Variants in SNAP29 observed in about 807,000 individuals in gnomAD.
SNAP29 encodes synaptosomal-associated protein 29.
A neutral mutation model predicts 27.9 loss-of-function variants in SNAP29; 13 were observed. That is an observed-to-expected ratio of 0.47 (90% CI 0.30 to 0.74). SNAP29 has a LOEUF of 0.74. Ranked by LOEUF, SNAP29 falls within the 30% of genes least tolerant of loss-of-function variation. The pLI is 0.06. For synonymous variants in SNAP29, 119 were observed against 127.1 expected, an observed-to-expected ratio of 0.94 and a Z score of 0.43; for missense variants, 368 against 336.5, an observed-to-expected ratio of 1.09 and a Z score of -0.73.
At position 20,870,519 on chromosome 22, in the gene SNAP29, C is replaced by T. The variant is rs1928566460; in HGVS notation, c.420C>T (p.Ser140=). Residue 140 remains serine, a synonymous_variant, in exon 2 of 5, where the codon TCC becomes TCT. Coordinates refer to ENST00000215730, the MANE Select transcript of SNAP29 (RefSeq NM_004782.4). ...TPPEQNGTLT[S]QPNNRLKEAI... is the part of the protein sequence containing the mutation. ...CTGAACAGAATGGCACCCTCACCTC[C>T]CAGCCCAACAACAGGTGAGTGCATC... 6.2e-7 allele frequency: 1 copy of T among 1,614,034 alleles called. No homozygotes were observed. The highest frequency in any genetic ancestry group is 8.5e-7 in the Non-Finnish European group (1 of 1,179,948).
chr22:20,868,242 T>C (rs574400054), intron 1 of SNAP29, among the ~76,000 whole-genome samples: 1 of 152,334 alleles, frequency 6.6e-6, no homozygotes, highest in South Asian at 2.1e-4. Flanking sequence ...TTGCTTGACA[T>C]ACTGAGTGAC....
rs913695397 is a variant in SNAP29, at chr22:20,888,103, C to A, written c.*267C>A. On this transcript the variant is annotated 3_prime_UTR_variant, in exon 5 of 5. Transcript: ENST00000215730. ...GTAGCCTGGCCCTGCATATCTTGGG[C>A]GTTTGATTACCATGCTGGAATAAGA... The A allele has an allele frequency of 3.5e-5, 16 of 453,396 alleles. No individual in the cohort carries two copies. Among genetic ancestry groups the A allele is most frequent in the Non-Finnish European group, 5.7e-5 (14 of 246,012 alleles). 28.1% of individuals were successfully genotyped at this position (453,396 alleles called of 1,614,324 possible).
rs1294707695 is a variant in SNAP29, at chr22:20,874,374, C to T, written c.434+3841C>T. Among the ~76,000 whole-genome samples, 213 of 148,812 alleles carry T rather than the reference C, an allele frequency of 1.4e-3. 1 individual carries two copies. Among genetic ancestry groups the T allele is most frequent in the Non-Finnish European group, 2.6e-3 (177 of 66,986 alleles). On this transcript the variant is annotated intron_variant, in intron 2 of 4. Coordinates refer to ENST00000215730, the MANE Select transcript of SNAP29 (RefSeq NM_004782.4). ...CCACACACACACACACACACACACA[C>T]ACACACACACACACACACACACGAA...
At chr22:20,876,097 G>C (rs1056972139) in intron 2 of SNAP29, among the ~76,000 whole-genome samples, 1 of 151,446 alleles carries the variant, frequency 6.6e-6, no homozygotes, top group South Asian at 2.1e-4. Flanking sequence ...GGAGGTGGAG[G>C]TTGCAGTGAG....
chr22:20,867,017 A>G (rs5752165), intron 1 of SNAP29, among the ~76,000 whole-genome samples: 10,571 of 152,206 alleles, frequency 0.069, 356 homozygotes, highest in East Asian at 0.08. Context: ...TTGGATTCCG[A>G]GCATTGCAAT....
intron 1 of SNAP29, among the ~76,000 whole-genome samples, chr22:20,860,368 TTTC>T: frequency 1.2e-5 from 1 of 82,218 alleles, no homozygotes; most frequent in African/African-American, 7.0e-5. Context: ...TCTTTTTCTT[TTTC>T]TTTTTTTTTT....
intron 1 of SNAP29, among the ~76,000 whole-genome samples, chr22:20,866,962 C>T (rs539974378): frequency 1.8e-3 from 277 of 152,248 alleles, no homozygotes; most frequent in African/African-American, 6.6e-3. Flanking sequence ...TCTGCCTCCC[C>T]CACAGGACTG....
chr22:20,862,365 A>G (rs1040459519), intron 1 of SNAP29, among the ~76,000 whole-genome samples: 1 of 152,226 alleles, frequency 6.6e-6, no homozygotes, highest in South Asian at 2.1e-4. Flanking sequence ...TGAGGTTTAC[A>G]CAAGAGGAGT....
At chr22:20,863,070 G>A (rs1383553561) in intron 1 of SNAP29, among the ~76,000 whole-genome samples, 2 of 152,152 alleles carry the variant, frequency 1.3e-5, no homozygotes, top group Admixed American at 1.3e-4. Context: ...GGTATTTTTG[G>A]TGGAGATGGG....
intron 3 of SNAP29, among the ~76,000 whole-genome samples, chr22:20,882,776 T>C (rs1466015438): frequency 6.6e-6 from 1 of 152,078 alleles, no homozygotes; most frequent in Non-Finnish European, 1.5e-5. Flanking sequence ...GAAGAAAAAA[T>C]CGACACAGTT....
intron 2 of SNAP29, among the ~76,000 whole-genome samples, chr22:20,877,812 T>C (rs1324435028): frequency 1.3e-5 from 2 of 152,222 alleles, no homozygotes; most frequent in African/African-American, 2.4e-5. Flanking sequence ...CCAGTATATA[T>C]GTGATGGCAC....
rs1031237551 is a variant in SNAP29, at chr22:20,859,046, C to T, written c.-65C>T. 8.3e-6 allele frequency: 12 copies of T among 1,439,944 alleles called. No homozygotes were observed. The highest frequency in any genetic ancestry group is 6.0e-5 in the South Asian group (5 of 83,264). 89.2% of individuals were successfully genotyped at this position (1,439,944 alleles called of 1,614,324 possible). A position where few individuals can be genotyped will look rare whatever the true frequency, so the allele number is the denominator to read the frequency against. Reference sequence around the variant, plus strand: ...CGCGGGGTCGGCGGGCGGGGCGAGGCCCTGGACGGCGGCGGCAGTGGGGCT... The same window carrying T: ...CGCGGGGTCGGCGGGCGGGGCGAGGTCCTGGACGGCGGCGGCAGTGGGGCT... On this transcript the variant is annotated 5_prime_UTR_variant, in exon 1 of 5. Transcript: ENST00000215730.
Position 20,881,211 on chromosome 22 carries a change from G to A in SNAP29, c.520+77G>A, listed in dbSNP as rs113686252. On this transcript the variant is annotated intron_variant, in intron 3 of 4. Coordinates refer to ENST00000215730, the MANE Select transcript of SNAP29 (RefSeq NM_004782.4). ...CTAGGTTTGGCGTTGGTCCTTGGGG[G>A]GCAGTGGCAACCTCTCTGGGGAGGT... is the stretch of plus-strand genomic sequence containing the variant. The A allele has an allele frequency of 3.9e-3, 3,996 of 1,025,714 alleles. 14 individuals carry two copies. Among genetic ancestry groups the A allele is most frequent in the Middle Eastern group, 5.3e-3 (26 of 4,912 alleles). The allele number at this position is 1,025,714 out of a possible 1,614,324, so 63.5% of individuals were successfully genotyped here. A position where few individuals can be genotyped will look rare whatever the true frequency, so the allele number is the denominator to read the frequency against.
intron 4 of SNAP29, among the ~76,000 whole-genome samples, chr22:20,886,195 C>G (rs1569121461): frequency 6.6e-6 from 1 of 151,596 alleles, no homozygotes; most frequent in Admixed American, 6.6e-5. Context: ...GCTTTGTTGC[C>G]CAGGCTAGTC....
In SNAP29 at chr22:20,888,149, A is replaced by G. The variant is rs905417666; in HGVS notation, c.*313A>G. On this transcript the variant is annotated 3_prime_UTR_variant, in exon 5 of 5. Coordinates refer to ENST00000215730, the MANE Select transcript of SNAP29 (RefSeq NM_004782.4). The stretch of plus-strand genomic sequence containing the variant: ...TAAGAAGAGTTGCATTTCTCATTTT[A>G]ATGAGCATATGGAAAGATGGGAACA... 7 of 379,304 alleles carry G rather than the reference A, an allele frequency of 1.8e-5. No individual in the cohort carries two copies. The Admixed American group carries it at 2.7e-4, about 15-fold the overall frequency. The allele number at this position is 379,304 out of a possible 1,614,324, so 23.5% of individuals were successfully genotyped here.
chr22:20,870,218 G>A (rs1038151399), intron 1 of SNAP29, 119 bp from the exon 2 acceptor site: 4 of 837,530 alleles, frequency 4.8e-6, no homozygotes, highest in Non-Finnish European at 4.1e-6. Context: ...ACAGATGACA[G>A]TACCCGTCTC....
intron 4 of SNAP29, among the ~76,000 whole-genome samples, chr22:20,886,389 C>T (rs1929016379): frequency 6.6e-6 from 1 of 152,062 alleles, no homozygotes; most frequent in Non-Finnish European, 1.5e-5. Context: ...CTCACTGCAG[C>T]CTCTGCCTGC....
At chr22:20,883,633 T>C in intron 4 of SNAP29, 64 bp downstream of exon 4, 1 of 1,032,506 alleles carries the variant, frequency 9.7e-7, no homozygotes, top group South Asian at 1.3e-5. Flanking sequence ...ACGCCAAGCA[T>C]AGCCCCTGCA....
Position 20,859,069 on chromosome 22 carries a change from GCTC to G in SNAP29, c.-36_-34del, listed in dbSNP as rs1928106568. On this transcript the variant is annotated 5_prime_UTR_variant, in exon 1 of 5. Coordinates refer to ENST00000215730, the MANE Select transcript of SNAP29 (RefSeq NM_004782.4). ...GGCCCTGGACGGCGGCGGCAGTGGG[GCTC>G]CTCCTTCTGTTTCCCAGACCGAGAG... The G allele has an allele frequency of 1.3e-6, 2 of 1,510,646 alleles. No individual in the cohort carries two copies. The highest frequency in any genetic ancestry group is 1.4e-5 in the African/African-American group (1 of 73,458). 93.6% of individuals were successfully genotyped at this position (1,510,646 alleles called of 1,614,324 possible). A position where few individuals can be genotyped will look rare whatever the true frequency, so the allele number is the denominator to read the frequency against.
Sources: gnomAD v4.1 joint callset for allele counts (sites outside exome capture counted in the v4.1 genomes callset) on GRCh38, gnomAD v4.1.1 for gene constraint, MANE v1.5 for transcripts, NCBI Gene and HGNC (gene_info 2026-07-23, HGNC 2026-07-21) for gene names.